The following CSMD1 variants were observed in gnomAD, a reference collection of about 807,000 sequenced individuals.
The protein encoded by CSMD1 is CUB and sushi domain-containing protein 1.
CSMD1 carries 213 observed loss-of-function variants against 417.5 expected under a neutral mutation model. The ratio of observed to expected loss-of-function variants is 0.51; its 90% CI spans 0.46 to 0.57. CSMD1 has a LOEUF of 0.57. Ranked by LOEUF, CSMD1 falls within the 20% of genes least tolerant of loss-of-function variation. The probability of loss-of-function intolerance (pLI) is 0.00; values close to 1 mark genes in which losing one functional copy is unlikely to be tolerated. For synonymous variants in CSMD1, 2,862 were observed against 1,736.8 expected, an observed-to-expected ratio of 1.65 and a Z score of -16.11; for missense variants, 6,923 against 4,529.7, an observed-to-expected ratio of 1.53 and a Z score of -15.17.
intron 2 of CSMD1, among the ~76,000 whole-genome samples, chr8:4,568,204 G>A (rs1227748939): frequency 6.6e-6 from 1 of 152,022 alleles, no homozygotes; most frequent in Admixed American, 6.6e-5. Flanking sequence ...TTTGACACAT[G>A]GGTATACATG....
intron 1 of CSMD1, among the ~76,000 whole-genome samples, chr8:4,695,048 C>T (rs903531775): frequency 6.6e-6 from 1 of 152,190 alleles, no homozygotes; most frequent in Admixed American, 6.5e-5. Flanking sequence ...CTTCCCCCTT[C>T]CCCCTTATGG....
chr8:4,401,329 G>A (rs1189609899), intron 3 of CSMD1, among the ~76,000 whole-genome samples: 1 of 152,126 alleles, frequency 6.6e-6, no homozygotes, highest in Admixed American at 6.5e-5. Flanking sequence ...AATTAAGTGT[G>A]CTCCAATCAA....
chr8:4,980,235 G>C (rs965485076), intron 1 of CSMD1, among the ~76,000 whole-genome samples: 5 of 152,182 alleles, frequency 3.3e-5, no homozygotes, highest in Non-Finnish European at 5.9e-5. Context: ...TGCTTATCCA[G>C]CTGCCTGGGT....
At chr8:3,663,609 G>C (rs932490951) in intron 7 of CSMD1, among the ~76,000 whole-genome samples, 9 of 152,154 alleles carry the variant, frequency 5.9e-5, no homozygotes, top group African/African-American at 2.2e-4. Flanking sequence ...ACCCATATCT[G>C]ATTGCCTCCT....
chr8:3,369,963 T>C (rs772941716), intron 18 of CSMD1, among the ~76,000 whole-genome samples: 1 of 152,128 alleles, frequency 6.6e-6, no homozygotes, highest in Non-Finnish European at 1.5e-5. Context: ...ATCTTGAAAA[T>C]AGAAATTATG....
At chr8:4,866,944 C>G (rs538758274) in intron 1 of CSMD1, among the ~76,000 whole-genome samples, 1 of 151,854 alleles carries the variant, frequency 6.6e-6, no homozygotes, top group Non-Finnish European at 1.5e-5. Flanking sequence ...TACTTTTGCA[C>G]CAACCTATAT....
intron 23 of CSMD1, among the ~76,000 whole-genome samples, chr8:3,335,991 C>T (rs369861740): frequency 9.9e-5 from 15 of 152,166 alleles, no homozygotes; most frequent in East Asian, 9.7e-4. Context: ...ATGCAGAGGA[C>T]GATGAGTAAT....
intron 2 of CSMD1, among the ~76,000 whole-genome samples, chr8:4,561,834 T>C (rs1015735621): frequency 5.3e-5 from 8 of 152,200 alleles, no homozygotes; most frequent in Admixed American, 5.2e-4. Context: ...GCTGAGGGGA[T>C]GGAGTCCCAG....
chr8:4,671,311 A>G (rs1274256112), intron 1 of CSMD1, among the ~76,000 whole-genome samples: 1 of 152,152 alleles, frequency 6.6e-6, no homozygotes, highest in Non-Finnish European at 1.5e-5. Context: ...TAACATGGCA[A>G]TTCTTTATTC....
intron 47 of CSMD1, among the ~76,000 whole-genome samples, chr8:3,095,872 T>G (rs1426162316): frequency 3.9e-5 from 6 of 152,172 alleles, no homozygotes; most frequent in Admixed American, 3.3e-4. Flanking sequence ...AAATTTTCAT[T>G]GAAATTGCAA....
intron 5 of CSMD1, among the ~76,000 whole-genome samples, chr8:3,834,437 C>A (rs565108617): frequency 2.0e-5 from 3 of 152,178 alleles, no homozygotes; most frequent in Non-Finnish European, 2.9e-5. Context: ...GGGGCAGACT[C>A]ACTGGGCTTC....
intron 40 of CSMD1, among the ~76,000 whole-genome samples, chr8:3,148,518 C>A (rs1033415957): frequency 6.6e-6 from 1 of 152,126 alleles, no homozygotes; most frequent in Non-Finnish European, 1.5e-5. Context: ...AGACTCATGA[C>A]GCTGCTTTAA....
chr8:2,986,932 C>T (rs76089398), intron 54 of CSMD1, among the ~76,000 whole-genome samples: 4,820 of 151,998 alleles, frequency 0.032, 247 homozygotes, highest in African/African-American at 0.11. Flanking sequence ...ATTACTTTTG[C>T]ATCGACCTAA....
chr8:4,662,801 G>A (rs1249522082), intron 1 of CSMD1, among the ~76,000 whole-genome samples: 4 of 152,156 alleles, frequency 2.6e-5, no homozygotes, highest in African/African-American at 9.7e-5. Context: ...TCAAGCTCAG[G>A]TGACAAACGA....
At chr8:3,418,594 A>G (rs1208499284) in intron 12 of CSMD1, among the ~76,000 whole-genome samples, 1 of 152,226 alleles carries the variant, frequency 6.6e-6, no homozygotes, top group Non-Finnish European at 1.5e-5. Context: ...ATTCAGATCC[A>G]ACAATGTCCT....
intron 4 of CSMD1, among the ~76,000 whole-genome samples, chr8:4,022,081 G>A (rs1161501444): frequency 8.1e-6 from 1 of 123,112 alleles, no homozygotes. Context: ...ATGGGAGCAT[G>A]TATCCACACA....
chr8:3,463,096 G>C (rs923474034), intron 12 of CSMD1, among the ~76,000 whole-genome samples: 2 of 152,180 alleles, frequency 1.3e-5, no homozygotes, highest in South Asian at 4.1e-4. Flanking sequence ...AGAACTGTGA[G>C]AGATACAATT....
At chr8:3,835,936 T>C (rs1802668386) in intron 5 of CSMD1, among the ~76,000 whole-genome samples, 1 of 152,130 alleles carries the variant, frequency 6.6e-6, no homozygotes, top group Non-Finnish European at 1.5e-5. Flanking sequence ...AGGAACAATA[T>C]GGGTCCAGGA....
chr8:4,548,030 G>A (rs181544575), intron 2 of CSMD1, among the ~76,000 whole-genome samples: 16 of 152,236 alleles, frequency 1.1e-4, no homozygotes, highest in Admixed American at 9.2e-4. Flanking sequence ...AAAAAACATT[G>A]TGGGTTACAG....
Sources: gnomAD v4.1 joint callset for allele counts (sites outside exome capture counted in the v4.1 genomes callset) on GRCh38, gnomAD v4.1.1 for gene constraint, MANE v1.5 for transcripts, NCBI Gene and HGNC (gene_info 2026-07-23, HGNC 2026-07-21) for gene names.